RFFL: variants seen among roughly 807,000 people sequenced by gnomAD.
The protein encoded by RFFL is E3 ubiquitin-protein ligase rififylin.
Under a neutral mutation model 40.4 loss-of-function variants are expected in RFFL, and 16 were observed. The observed-to-expected ratio is 0.40, with a 90% CI of 0.27 to 0.60. RFFL has a LOEUF of 0.60. Among genes scored for constraint, RFFL ranks in the 20% least tolerant of loss-of-function variants. RFFL has a pLI of 0.47. For synonymous variants in RFFL, 154 were observed against 167.9 expected (o/e 0.92, Z 0.64); for missense variants, 367 against 451.7 (o/e 0.81, Z 1.70).
intron 5 of RFFL, among the ~76,000 whole-genome samples, chr17:35,015,102 G>A (rs2090965668): frequency 6.6e-6 from 1 of 152,080 alleles, no homozygotes; most frequent in African/African-American, 2.4e-5. Context: ...GAGTACCTGG[G>A]GACTACAGGC....
At chr17:35,029,348 T>G (rs1393476813) in intron 1 of RFFL, among the ~76,000 whole-genome samples, 1 of 149,882 alleles carries the variant, frequency 6.7e-6, no homozygotes, top group Non-Finnish European at 1.5e-5. Context: ...TAGTTTTTTT[T>G]TTTTTTTTTT....
rs1469592114 is a variant in RFFL, at chr17:35,012,048, T to C, written c.1012A>G (p.Thr338Ala). 6.2e-7 allele frequency: 1 copy of C among 1,614,128 alleles called. No homozygotes were observed. Among genetic ancestry groups the C allele is most frequent in the Non-Finnish European group, 8.5e-7 (1 of 1,180,008 alleles). Residue 338 changes from threonine (T) to alanine (A), a missense_variant, in exon 7 of 7, where the codon ACC becomes GCC. Coordinates refer to ENST00000394597, the MANE Select transcript of RFFL (RefSeq NM_001017368.2). The stretch of plus-strand genomic sequence containing the variant: ...TCATTCATGCGCTTGCCACACTTGG[T>C]ACAGGTTACCATGTGGCCACACTCC... ...LLECGHMVTC[T>A]KCGKRMNECP...
chr17:35,051,932 TG>T (rs2091234150), intron 1 of RFFL, among the ~76,000 whole-genome samples: 3 of 152,218 alleles, frequency 2.0e-5, no homozygotes, highest in African/African-American at 7.2e-5. Context: ...TTCAAAGATT[TG>T]GTGGTTTCCC....
At chr17:35,017,368 C>T (rs1040523042) in intron 4 of RFFL, among the ~76,000 whole-genome samples, 155 bp downstream of exon 4, 4 of 152,184 alleles carry the variant, frequency 2.6e-5, no homozygotes, top group Admixed American at 6.5e-5. Context: ...ACTAGTTAAC[C>T]TGGAACACTA....
chr17:35,033,489 T>C (rs543241040), intron 1 of RFFL, among the ~76,000 whole-genome samples: 75 of 151,602 alleles, frequency 4.9e-4, no homozygotes, highest in African/African-American at 1.7e-3. Flanking sequence ...GATCACACCA[T>C]TGCACTCCAG....
intron 1 of RFFL, among the ~76,000 whole-genome samples, chr17:35,081,614 A>T (rs1240698631): frequency 1.3e-5 from 2 of 152,202 alleles, no homozygotes; most frequent in Admixed American, 6.5e-5. Flanking sequence ...TGTGTCTAAT[A>T]CATTAATTAT....
intron 1 of RFFL, among the ~76,000 whole-genome samples, chr17:35,046,220 C>T (rs539444220): frequency 9.6e-4 from 146 of 151,826 alleles, no homozygotes; most frequent in African/African-American, 3.4e-3. Flanking sequence ...AGGACAAAAC[C>T]AGAAAAGGAG....
rs2091306231 is a variant in RFFL at position 35,063,561 on chromosome 17, A to G, written c.-9+15T>C. On this transcript the variant is annotated intron_variant, in intron 1 of 6. Coordinates refer to ENST00000394597, the MANE Select transcript of RFFL (RefSeq NM_001017368.2). ...CATCTAGCTAATGAAACTTAAGAAA[A>G]CAGTTTGAGGTTACCTGATTTTGCC... 6.6e-6 allele frequency: 1 copy of G among 151,850 alleles called. No individual in the cohort carries two copies. The highest frequency in any genetic ancestry group is 6.6e-5 in the Admixed American group (1 of 15,212). The allele number at this position is 151,850 out of a possible 1,614,324, so 9.4% of individuals were successfully genotyped here. A position where few individuals can be genotyped will look rare whatever the true frequency, so the allele number is the denominator to read the frequency against.
At chr17:35,070,413 G>A (rs1322143257) in intron 1 of RFFL, among the ~76,000 whole-genome samples, 3 of 152,166 alleles carry the variant, frequency 2.0e-5, no homozygotes, top group South Asian at 2.1e-4. Context: ...CAAGCAATCC[G>A]CCTGCCTCAA....
intron 1 of RFFL, among the ~76,000 whole-genome samples, chr17:35,031,857 A>T (rs2091085138): frequency 6.6e-6 from 1 of 152,042 alleles, no homozygotes; most frequent in African/African-American, 2.4e-5. Flanking sequence ...GCACTTTGGC[A>T]GGCCGAGGCA....
At chr17:35,059,011 G>A (rs1042147717) in intron 1 of RFFL, among the ~76,000 whole-genome samples, 1 of 149,582 alleles carries the variant, frequency 6.7e-6, no homozygotes, top group East Asian at 2.0e-4. Context: ...AGAAGCTCGA[G>A]CTAGAATTTT....
chr17:35,073,672 T>C (rs1056095637), intron 1 of RFFL, among the ~76,000 whole-genome samples: 2 of 152,130 alleles, frequency 1.3e-5, no homozygotes, highest in East Asian at 1.9e-4. Flanking sequence ...CTAACATCAC[T>C]TACAAGATGA....
intron 1 of RFFL, among the ~76,000 whole-genome samples, chr17:35,087,292 A>G (rs191334473): frequency 4.6e-5 from 7 of 152,108 alleles, no homozygotes; most frequent in African/African-American, 1.7e-4. Context: ...TCAAGGCTGC[A>G]GTGAGCCATG....
intron 1 of RFFL, among the ~76,000 whole-genome samples, chr17:35,078,080 G>T (rs1219064348): frequency 6.6e-6 from 1 of 152,054 alleles, no homozygotes; most frequent in Non-Finnish European, 1.5e-5. Context: ...GGGGTCTACA[G>T]ATAAACTACA....
chr17:35,057,076 T>C (rs2091265855), intron 1 of RFFL, among the ~76,000 whole-genome samples: 1 of 151,940 alleles, frequency 6.6e-6, no homozygotes, highest in Non-Finnish European at 1.5e-5. Flanking sequence ...CCACCATGCC[T>C]GGCTAAAATT....
chr17:35,043,043 C>T (rs952762585), intron 1 of RFFL, among the ~76,000 whole-genome samples: 5 of 152,128 alleles, frequency 3.3e-5, no homozygotes, highest in African/African-American at 7.2e-5. Flanking sequence ...TAGACATTTT[C>T]TATCCTCCAA....
intron 1 of RFFL, chr17:35,036,396 C>G (rs2091122872): frequency 6.6e-6 from 1 of 152,202 alleles, no homozygotes; most frequent in South Asian, 2.1e-4. Flanking sequence ...AACATTCCTT[C>G]CCAAACTCCC....
intron 1 of RFFL, among the ~76,000 whole-genome samples, chr17:35,051,384 T>A (rs2091230822): frequency 6.6e-6 from 1 of 152,202 alleles, no homozygotes; most frequent in Non-Finnish European, 1.5e-5. Flanking sequence ...CTTGACTTCC[T>A]GTTTTGGGCT....
upstream of RFFL, among the ~76,000 whole-genome samples, chr17:35,067,398 G>A (rs1051289265): frequency 2.7e-5 from 4 of 150,762 alleles, no homozygotes; most frequent in African/African-American, 7.3e-5. Context: ...AATTACAGAC[G>A]TGAGTCACCA....
Sources: gnomAD v4.1 joint callset for allele counts (sites outside exome capture counted in the v4.1 genomes callset) on GRCh38, gnomAD v4.1.1 for gene constraint, MANE v1.5 for transcripts, NCBI Gene and HGNC (gene_info 2026-07-23, HGNC 2026-07-21) for gene names.